The following GLTP variants were observed in gnomAD, a reference collection of about 807,000 sequenced individuals.
The protein encoded by GLTP is glycolipid transfer protein.
Under a neutral mutation model 24.0 loss-of-function variants are expected in GLTP, and 22 were observed. The observed-to-expected ratio is 0.92, with a 90% CI of 0.65 to 1.31. The LOEUF is 1.31. Ranked by LOEUF, GLTP falls within the 50% of genes most tolerant of loss-of-function variation. The pLI, the probability that GLTP is intolerant of heterozygous loss-of-function variation, is 0.00. For synonymous variants in GLTP, 92 were observed against 115.9 expected, an observed-to-expected ratio of 0.79 and a Z score of 1.33; for missense variants, 224 against 276.6, an observed-to-expected ratio of 0.81 and a Z score of 1.35.
At chr12:109,854,221 TTGG>T (rs1730772953) in intron 4 of GLTP, among the ~76,000 whole-genome samples, 1 of 151,604 alleles carries the variant, frequency 6.6e-6, no homozygotes, top group Admixed American at 6.6e-5. Flanking sequence ...TAGCTAGGTG[TTGG>T]TGGCTCGCAC....
intron 1 of GLTP, among the ~76,000 whole-genome samples, chr12:109,876,186 T>C (rs1868873298): frequency 6.6e-6 from 1 of 151,868 alleles, no homozygotes. Context: ...CTACTAAAAA[T>C]ACAGAAATTA....
chr12:109,869,860 C>T (rs530702051), intron 1 of GLTP, among the ~76,000 whole-genome samples: 148 of 150,234 alleles, frequency 9.9e-4, no homozygotes, highest in Non-Finnish European at 1.4e-3. Context: ...ACCTCCACCT[C>T]CCAGGTTCGC....
rs1160015502 is a variant in GLTP at position 109,855,340 on chromosome 12, G to A, written c.447+279C>T. On this transcript the variant is annotated intron_variant, in intron 4 of 4. Coordinates refer to ENST00000318348, the MANE Select transcript of GLTP (RefSeq NM_016433.4). The surrounding 1 kb of genome is among the most constrained non-coding windows in gnomAD (Gnocchi z 4.1). ...TCCAGGGCTTTCCCTGTGGTTTCTC[G>A]TCGCCCCACCATCAGGCCTTGCAGG... Among the ~76,000 whole-genome samples the A allele has an allele frequency of 2.0e-5, 3 of 152,192 alleles. No individual in the cohort carries two copies. Among genetic ancestry groups the A allele is most frequent in the Non-Finnish European group, 2.9e-5 (2 of 68,028 alleles).
chr12:109,876,487 CAGAA>C (rs1422667827), intron 1 of GLTP, among the ~76,000 whole-genome samples: 2 of 145,290 alleles, frequency 1.4e-5, no homozygotes, highest in African/African-American at 2.6e-5. Context: ...CATGGCAAGA[CAGAA>C]AGAAAGAAAA....
intron 2 of GLTP, chr12:109,858,339 A>G (rs1892828510): frequency 2.4e-6 from 1 of 425,526 alleles, no homozygotes; most frequent in African/African-American, 2.0e-5. Flanking sequence ...ATCAGGAACT[A>G]CCAGGATTGG....
At position 109,851,752 on chromosome 12, in the gene GLTP, T is replaced by G. The variant is rs1448477152; in HGVS notation, c.*803A>C. 7.1e-6 allele frequency: 1 copy of G among 140,372 alleles called. No homozygotes were observed. The highest frequency in any genetic ancestry group is 7.1e-5 in the Admixed American group (1 of 14,110). 8.7% of individuals were successfully genotyped at this position (140,372 alleles called of 1,614,324 possible). A position where few individuals can be genotyped will look rare whatever the true frequency, so the allele number is the denominator to read the frequency against. On this transcript the variant is annotated 3_prime_UTR_variant, in exon 5 of 5. Coordinates refer to ENST00000318348, the MANE Select transcript of GLTP (RefSeq NM_016433.4). Reference sequence around the variant, plus strand: ...AGAAGATGGGATTACAGGCGTGCGCTACCATGCCTGGCTAATTCTATATTT... The same window carrying G: ...AGAAGATGGGATTACAGGCGTGCGCGACCATGCCTGGCTAATTCTATATTT...
intron 1 of GLTP, chr12:109,866,447 G>C (rs1778530493): frequency 1.3e-5 from 2 of 152,258 alleles, no homozygotes; most frequent in Admixed American, 1.3e-4. Flanking sequence ...TTGGGCTCAA[G>C]TGATCTTCCT....
rs527935313 is a variant in GLTP, at chr12:109,865,274, G to A, written c.104-6533C>T. Among the ~76,000 whole-genome samples, 7 of 152,288 alleles carry A rather than the reference G, an allele frequency of 4.6e-5. No individual in the cohort carries two copies. The East Asian group carries it at 1.3e-3, about 29-fold the overall frequency. On this transcript the variant is annotated intron_variant, in intron 1 of 4. Coordinates refer to ENST00000318348, the MANE Select transcript of GLTP (RefSeq NM_016433.4). ...TTTTCTAGTTCATGACCTTCAGGGAGAAAGGAAGCTGTCTTTTAAACATTT... is the reference window on the plus strand; with the variant it reads ...TTTTCTAGTTCATGACCTTCAGGGAAAAAGGAAGCTGTCTTTTAAACATTT...
At position 109,857,539 on chromosome 12, in the gene GLTP, T is replaced by A. The variant is rs1892814747; in HGVS notation, c.283A>T (p.Met95Leu). The A allele has an allele frequency of 6.2e-7, 1 of 1,613,404 alleles. No individual in the cohort carries two copies. Among genetic ancestry groups the A allele is most frequent in the African/African-American group, 1.3e-5 (1 of 74,924 alleles). ...WPKVGATLAL[M>L]WLKRGLRFIQ... ...TGAGCCCATCACCTTTTCAGCCACA[T>A]CAGCGCCAGTGTGGCCCCTACTTTG... The change falls in exon 3 of 5, where the codon ATG (methionine) becomes TTG (leucine). Residue 95 changes from methionine to leucine, a missense_variant. Physicochemically the swap from Met to Leu is conservative, Grantham distance 15. Coordinates refer to ENST00000318348, the MANE Select transcript of GLTP (RefSeq NM_016433.4). The surrounding 1 kb of genome is among the most constrained non-coding windows in gnomAD (Gnocchi z 4.3).
intron 1 of GLTP, among the ~76,000 whole-genome samples, chr12:109,876,822 G>A (rs1868900353): frequency 6.6e-6 from 1 of 152,162 alleles, no homozygotes; most frequent in African/African-American, 2.4e-5. Context: ...AACCAGTAAT[G>A]AGCAAGAAAT....
intron 2 of GLTP, 151 bp downstream of exon 2, chr12:109,858,532 C>T: frequency 2.9e-6 from 2 of 689,564 alleles, no homozygotes; most frequent in Non-Finnish European, 5.3e-6. Flanking sequence ...ACATTGAGCC[C>T]TGATTGGACA....
At position 109,855,662 on chromosome 12, in the gene GLTP, G is replaced by A; in HGVS notation, c.404C>T (p.Ala135Val). ...GATCCAGCCATGGTACTTCTTGAGG[G>A]CCATCTCGTAGGCCTTGGTGGCGTT... The part of the protein sequence containing the change: ...RVNATKAYEM[A>V]LKKYHGWIVQ... Residue 135 changes from alanine to valine, a missense_variant, in exon 4 of 5, where the codon GCC becomes GTC. Coordinates refer to ENST00000318348, the MANE Select transcript of GLTP (RefSeq NM_016433.4). The surrounding 1 kb of genome is among the most constrained non-coding windows in gnomAD (Gnocchi z 4.1). 2 of 1,603,384 alleles carry A rather than the reference G, an allele frequency of 1.2e-6. No homozygotes were observed. Among genetic ancestry groups the A allele is most frequent in the Non-Finnish European group, 1.7e-6 (2 of 1,175,078 alleles).
intron 1 of GLTP, among the ~76,000 whole-genome samples, chr12:109,872,681 C>T (rs757158261): frequency 1.6e-4 from 24 of 152,288 alleles, no homozygotes; most frequent in Admixed American, 1.4e-3. Context: ...AATGCATCTC[C>T]GAAGTCTGCC....
chr12:109,861,521 G>T (rs534278095), intron 1 of GLTP, among the ~76,000 whole-genome samples: 2 of 152,260 alleles, frequency 1.3e-5, no homozygotes, highest in African/African-American at 2.4e-5. Context: ...AGGCCAAGGC[G>T]GGCGGATCAC....
At chr12:109,879,394 C>A (rs1026812959) in intron 1 of GLTP, among the ~76,000 whole-genome samples, 2 of 152,128 alleles carry the variant, frequency 1.3e-5, no homozygotes, top group African/African-American at 4.8e-5. Context: ...CATTTTCCAT[C>A]TGGGGCCTTG....
At chr12:109,854,748 G>A (rs1016036742) in intron 4 of GLTP, among the ~76,000 whole-genome samples, 4 of 152,186 alleles carry the variant, frequency 2.6e-5, no homozygotes, top group African/African-American at 7.2e-5. Flanking sequence ...TGGAGCTCTC[G>A]AGGGGCCCAT....
intron 4 of GLTP, among the ~76,000 whole-genome samples, chr12:109,854,514 A>G (rs1290824260): frequency 6.6e-6 from 1 of 152,164 alleles, no homozygotes; most frequent in Non-Finnish European, 1.5e-5. Flanking sequence ...TTGAAAGATG[A>G]TATTGAGGCT....
At position 109,880,225 on chromosome 12, in the gene GLTP, G is replaced by A. The variant is rs745535608; in HGVS notation, c.103+47C>T. On this transcript the variant is annotated intron_variant, in intron 1 of 4. Transcript: ENST00000318348. The surrounding 1 kb of genome is among the most constrained non-coding windows in gnomAD (Gnocchi z 5.1). ...GGATGCTCGGGGGAAGGAGGATTCG[G>A]GTGCGCGTGGGGCTGCGGGCCGCCT... 2 of 1,127,746 alleles carry A rather than the reference G, an allele frequency of 1.8e-6. No individual in the cohort carries two copies. The highest frequency in any genetic ancestry group is 2.6e-6 in the Non-Finnish European group (2 of 760,064). 69.9% of individuals were successfully genotyped at this position (1,127,746 alleles called of 1,614,324 possible).
rs761675478 is a variant in GLTP at position 109,880,254 on chromosome 12, C to T, written c.103+18G>A. 5 of 1,492,212 alleles carry T rather than the reference C, an allele frequency of 3.4e-6. No homozygotes were observed. The Admixed American group carries it at 6.8e-5, about 20-fold the overall frequency. The allele number at this position is 1,492,212 out of a possible 1,614,324, so 92.4% of individuals were successfully genotyped here. A position where few individuals can be genotyped will look rare whatever the true frequency, so the allele number is the denominator to read the frequency against. On this transcript the variant is annotated intron_variant, in intron 1 of 4. Coordinates refer to ENST00000318348, the MANE Select transcript of GLTP (RefSeq NM_016433.4). The surrounding 1 kb of genome is among the most constrained non-coding windows in gnomAD (Gnocchi z 5.1). ...CGCGTGGGGCTGCGGGCCGCCTCCC[C>T]CCTCCATTCCGGCTCACCGAAGAAG...
Sources: allele counts gnomAD v4.1 joint callset (sites outside exome capture counted in the v4.1 genomes callset), GRCh38; gene constraint gnomAD v4.1.1; non-coding constraint Gnocchi (gnomAD v3.1); transcripts MANE v1.5; gene names NCBI Gene and HGNC (gene_info 2026-07-23, HGNC 2026-07-21).